The following CAMK1D variants were observed in gnomAD, a reference collection of about 807,000 sequenced individuals.
The protein encoded by CAMK1D is calcium/calmodulin-dependent protein kinase type 1D.
Under a neutral mutation model 47.7 loss-of-function variants are expected in CAMK1D, and 9 were observed. That is an observed-to-expected ratio of 0.19 (90% CI 0.11 to 0.33). CAMK1D has a LOEUF of 0.33. Among genes scored for constraint, CAMK1D ranks in the 10% least tolerant of loss-of-function variants. The pLI is 1.00. For missense variants in CAMK1D, 291 were observed against 488.7 expected (o/e 0.60, Z 3.81); for synonymous variants, 184 against 184.9 (o/e 0.99, Z 0.04).
At position 12,832,653 on chromosome 10, in the gene CAMK1D, G is replaced by A. The variant is rs1039462268; in HGVS notation, c.*3766G>A. 3.9e-5 allele frequency: 6 copies of A among 152,236 alleles called. No individual in the cohort carries two copies. The highest frequency in any genetic ancestry group is 7.2e-5 in the African/African-American group (3 of 41,454). The allele number at this position is 152,236 out of a possible 1,614,324, so 9.4% of individuals were successfully genotyped here. A position where few individuals can be genotyped will look rare whatever the true frequency, so the allele number is the denominator to read the frequency against. On this transcript the variant is annotated 3_prime_UTR_variant, in exon 11 of 11. Transcript: ENST00000619168. ...TTAAAAAAAGGAAGAGTGGCTTTGC[G>A]TTCTTGACCATGGCCACAATTCTGG...
At chr10:12,805,853 G>A (rs1838705127) in intron 6 of CAMK1D, among the ~76,000 whole-genome samples, 1 of 152,226 alleles carries the variant, frequency 6.6e-6, no homozygotes, top group Admixed American at 6.5e-5. Context: ...ACTGGTATAG[G>A]ACCAGGGTTG....
At chr10:12,357,212 C>T (rs746950352) in intron 1 of CAMK1D, among the ~76,000 whole-genome samples, 5 of 152,102 alleles carry the variant, frequency 3.3e-5, no homozygotes, top group African/African-American at 4.8e-5. Flanking sequence ...TGCTCTGTCG[C>T]CCAGGCTGGA....
chr10:12,453,113 T>A (rs1317350340), intron 1 of CAMK1D, among the ~76,000 whole-genome samples: 1 of 152,206 alleles, frequency 6.6e-6, no homozygotes, highest in Non-Finnish European at 1.5e-5. Flanking sequence ...TTTGCCTTTT[T>A]ATGACTGGCT....
intron 6 of CAMK1D, 31 bp downstream of exon 6, chr10:12,791,264 C>T (rs1417919920): frequency 6.3e-7 from 1 of 1,592,200 alleles, no homozygotes; most frequent in Non-Finnish European, 8.6e-7. Flanking sequence ...TGGGTTCTTC[C>T]TCTACCGGCC....
At chr10:12,581,977 G>A (rs1837677721) in intron 2 of CAMK1D, among the ~76,000 whole-genome samples, 1 of 152,154 alleles carries the variant, frequency 6.6e-6, no homozygotes, top group Non-Finnish European at 1.5e-5. Context: ...CCAATGTCTA[G>A]AGGGGTTTTT....
chr10:12,419,502 A>G (rs1015205358), intron 1 of CAMK1D, among the ~76,000 whole-genome samples: 12 of 152,172 alleles, frequency 7.9e-5, no homozygotes, highest in African/African-American at 2.4e-4. Context: ...TCTTGACAAC[A>G]TGCAGGGCAC....
intron 3 of CAMK1D, among the ~76,000 whole-genome samples, chr10:12,752,817 C>G (rs1183832214): frequency 6.6e-6 from 1 of 152,200 alleles, no homozygotes; most frequent in Non-Finnish European, 1.5e-5. Flanking sequence ...ATTCCCTTCC[C>G]AGGAGCCACT....
At chr10:12,630,685 A>G (rs928725603) in intron 2 of CAMK1D, among the ~76,000 whole-genome samples, 3 of 151,728 alleles carry the variant, frequency 2.0e-5, no homozygotes, top group African/African-American at 7.3e-5. Context: ...TCTCCTCCCA[A>G]AGTGCTGGGA....
intron 3 of CAMK1D, among the ~76,000 whole-genome samples, chr10:12,727,643 G>A (rs1444466916): frequency 1.3e-5 from 2 of 152,142 alleles, no homozygotes; most frequent in Non-Finnish European, 1.5e-5. Flanking sequence ...CAGCATCAAC[G>A]CAGTGAGGTT....
At chr10:12,525,123 C>T (rs551765857) in intron 1 of CAMK1D, among the ~76,000 whole-genome samples, 1 of 152,230 alleles carries the variant, frequency 6.6e-6, no homozygotes, top group African/African-American at 2.4e-5. Flanking sequence ...GTAGATGGGT[C>T]ATGTGTTGAT....
intron 1 of CAMK1D, among the ~76,000 whole-genome samples, chr10:12,403,562 T>G (rs1167582425): frequency 3.3e-5 from 5 of 152,188 alleles, no homozygotes. Flanking sequence ...AATTTACTAT[T>G]GAATGTAAAT....
intron 4 of CAMK1D, among the ~76,000 whole-genome samples, chr10:12,765,267 A>G (rs1836695323): frequency 6.6e-6 from 1 of 152,206 alleles, no homozygotes; most frequent in East Asian, 1.9e-4. Flanking sequence ...GAACAGAATT[A>G]TTTTGACACC....
At chr10:12,797,028 A>C (rs1489680577) in intron 6 of CAMK1D, among the ~76,000 whole-genome samples, 1 of 152,200 alleles carries the variant, frequency 6.6e-6, no homozygotes, top group Non-Finnish European at 1.5e-5. Context: ...AAACCAAATG[A>C]AAAGCAGAAG....
chr10:12,721,917 A>G (rs546144330), intron 3 of CAMK1D, among the ~76,000 whole-genome samples: 1 of 152,296 alleles, frequency 6.6e-6, no homozygotes, highest in African/African-American at 2.4e-5. Flanking sequence ...AGTAGGAGTT[A>G]CTGAAACCCC....
chr10:12,659,790 T>C (rs1840222126), intron 2 of CAMK1D, among the ~76,000 whole-genome samples: 1 of 152,210 alleles, frequency 6.6e-6, no homozygotes, highest in South Asian at 2.1e-4. Flanking sequence ...ATTTCAGCTT[T>C]CTGGGCTGCT....
chr10:12,383,879 T>C (rs1210180851), intron 1 of CAMK1D, among the ~76,000 whole-genome samples: 2 of 152,050 alleles, frequency 1.3e-5, no homozygotes, highest in Non-Finnish European at 2.9e-5. Flanking sequence ...GAAAATGAAA[T>C]AAAAGGTATC....
chr10:12,399,503 GAAA>G (rs34522793), intron 1 of CAMK1D, among the ~76,000 whole-genome samples: 1 of 141,008 alleles, frequency 7.1e-6, no homozygotes, highest in Admixed American at 7.1e-5. Flanking sequence ...GACTCCGTCT[GAAA>G]AAAAAAAAAG....
At chr10:12,789,354 T>C (rs186607831) in intron 5 of CAMK1D, among the ~76,000 whole-genome samples, 20 of 152,326 alleles carry the variant, frequency 1.3e-4, no homozygotes, top group Admixed American at 2.6e-4. Flanking sequence ...CTGAAGACGC[T>C]CTCACCTTAG....
At chr10:12,653,717 C>CG (rs1466620648) in intron 2 of CAMK1D, among the ~76,000 whole-genome samples, 1 of 152,218 alleles carries the variant, frequency 6.6e-6, no homozygotes, top group Non-Finnish European at 1.5e-5. Flanking sequence ...ACTTCCCTCT[C>CG]TGTTTTTCAT....
Sources: gnomAD v4.1 joint callset for allele counts (sites outside exome capture counted in the v4.1 genomes callset) on GRCh38, gnomAD v4.1.1 for gene constraint, MANE v1.5 for transcripts, NCBI Gene and HGNC (gene_info 2026-07-23, HGNC 2026-07-21) for gene names.